Variants in CPT1A observed in about 807,000 individuals in gnomAD.
CPT1A encodes the protein carnitine O-palmitoyltransferase 1, liver isoform.
In CPT1A, 64 loss-of-function variants were observed where a neutral mutation model predicts 100.8. That is an observed-to-expected ratio of 0.63 (90% CI 0.52 to 0.78). CPT1A has a LOEUF of 0.78. Ranked by LOEUF, CPT1A falls within the 30% of genes least tolerant of loss-of-function variation. The pLI, the probability that CPT1A is intolerant of heterozygous loss-of-function variation, is 0.00. For synonymous variants in CPT1A, 363 were observed against 396.0 expected (o/e 0.92, Z 0.99); for missense variants, 802 against 1,034.1 (o/e 0.78, Z 3.08).
chr11:68,784,053 G>A (rs1004229449), intron 10 of CPT1A, among the ~76,000 whole-genome samples: 1 of 152,018 alleles, frequency 6.6e-6, no homozygotes, highest in African/African-American at 2.4e-5. Flanking sequence ...GGTAGAGATG[G>A]GGTCTCACTC....
At chr11:68,801,735 A>T (rs991424639) in intron 5 of CPT1A, among the ~76,000 whole-genome samples, 2 of 152,062 alleles carry the variant, frequency 1.3e-5, no homozygotes, top group African/African-American at 4.8e-5. Context: ...TTTGCTTATT[A>T]TTATAGTTTT....
rs369221067 is a variant in CPT1A at position 68,803,610 on chromosome 11, C to T, written c.555+390G>A. On this transcript the variant is annotated intron_variant, in intron 5 of 18. Coordinates refer to ENST00000265641, the MANE Select transcript of CPT1A (RefSeq NM_001876.4). Reference sequence around the variant, plus strand: ...CCTGTAATCCCAGCTACTCGGGAGGCTGGGGCAGGAGAATCACTTGAACCT... The same window carrying T: ...CCTGTAATCCCAGCTACTCGGGAGGTTGGGGCAGGAGAATCACTTGAACCT... Among the ~76,000 whole-genome samples the T allele has an allele frequency of 3.1e-3, 469 of 151,980 alleles. 3 individuals are homozygous for T. Among genetic ancestry groups the T allele is most frequent in the African/African-American group, 0.011 (454 of 41,454 alleles).
intron 1 of CPT1A, among the ~76,000 whole-genome samples, chr11:68,827,610 G>A (rs892240428): frequency 4.0e-4 from 59 of 146,614 alleles, no homozygotes; most frequent in African/African-American, 1.4e-3. Context: ...TTGAACTCCT[G>A]GACTCAAGCA....
intron 14 of CPT1A, among the ~76,000 whole-genome samples, chr11:68,773,032 C>G (rs1278570190): frequency 6.6e-6 from 1 of 152,186 alleles, no homozygotes; most frequent in Non-Finnish European, 1.5e-5. Context: ...CCAGACTCTC[C>G]CTCTCCCGTG....
chr11:68,773,802 T>C lies in CPT1A; in HGVS notation c.1576-373A>G, dbSNP rs375151974. ...GTCTCTCAGTAGATAGAAATGGAGCTGGTGACCAGCAGCTTCCCGATAAGA... is the reference window on the plus strand; with the variant it reads ...GTCTCTCAGTAGATAGAAATGGAGCCGGTGACCAGCAGCTTCCCGATAAGA... On this transcript the variant is annotated intron_variant, in intron 13 of 18. Transcript: ENST00000265641. The C allele has an allele frequency of 1.7e-4, 54 of 314,072 alleles. 1 individual carries two copies. Among genetic ancestry groups the C allele is most frequent in the African/African-American group, 1.1e-3 (53 of 46,416 alleles). 19.5% of individuals were successfully genotyped at this position (314,072 alleles called of 1,614,324 possible). A position where few individuals can be genotyped will look rare whatever the true frequency, so the allele number is the denominator to read the frequency against.
Position 68,796,882 on chromosome 11 carries a change from T to C in CPT1A, c.745A>G (p.Met249Val), listed in dbSNP as rs977876218. The part of the protein sequence containing the change: ...YIYLRGRGPL[M>V]VNSNYYAMDL... ...ATGGCATAATAGTTGCTGTTCACCA[T>C]GAGCGGCCCTCGTCCTCGGAGGTAG... Residue 249 changes from methionine to valine, a missense_variant, in exon 7 of 19, where the codon ATG becomes GTG. Physicochemically the swap from Met to Val is conservative, Grantham distance 21. This residue lies in a region of CPT1A where 627 missense variants were observed against 799.3 expected (regional missense o/e 0.78). Coordinates refer to ENST00000265641, the MANE Select transcript of CPT1A (RefSeq NM_001876.4). 6.2e-7 allele frequency: 1 copy of C among 1,614,134 alleles called. No homozygotes were observed. Among genetic ancestry groups the C allele is most frequent in the Non-Finnish European group, 8.5e-7 (1 of 1,180,004 alleles).
At position 68,784,906 on chromosome 11, in the gene CPT1A, C is replaced by A; in HGVS notation, c.1072G>T (p.Glu358Ter). 6.2e-7 allele frequency: 1 copy of A among 1,614,102 alleles called. No individual in the cohort carries two copies. Among genetic ancestry groups the A allele is most frequent in the Non-Finnish European group, 8.5e-7 (1 of 1,180,040 alleles). Residue 358 changes from glutamate (E) to a stop codon, truncating the protein, a stop_gained, in exon 10 of 19, where the codon GAG (glutamate) becomes TAG (stop). Transcript: ENST00000265641. LOFTEE classifies it high-confidence loss of function. ...ATCCTCTGCATCTGCTGCTCCATCT[C>A]CCGGGGCTTCAGCAGCCGCCCATCA... ...YHDGRLLKPR[E>*]MEQQMQRILD...
chr11:68,843,017 T>C (rs1383388697), upstream of CPT1A, among the ~76,000 whole-genome samples: 5 of 152,238 alleles, frequency 3.3e-5, no homozygotes, highest in African/African-American at 2.4e-5. The surrounding 1 kb of genome is among the most constrained non-coding windows in gnomAD (Gnocchi z 4.0). Context: ...CGACCACTTC[T>C]TCTAGTTATG....
intron 1 of CPT1A, among the ~76,000 whole-genome samples, chr11:68,815,756 T>C (rs1356977678): frequency 4.1e-4 from 52 of 127,258 alleles, no homozygotes; most frequent in Middle Eastern, 4.7e-3. Context: ...CCCTGGACAT[T>C]CCCTGGAACC....
intron 1 of CPT1A, among the ~76,000 whole-genome samples, chr11:68,835,079 C>A (rs1856976038): frequency 6.6e-6 from 1 of 151,910 alleles, no homozygotes; most frequent in African/African-American, 2.4e-5. Flanking sequence ...TAAATACAGA[C>A]AAATATGATC....
intron 11 of CPT1A, among the ~76,000 whole-genome samples, chr11:68,781,462 A>G (rs1855309014): frequency 6.6e-6 from 1 of 152,132 alleles, no homozygotes; most frequent in East Asian, 1.9e-4. Flanking sequence ...TCTACTAAAA[A>G]TACAAAAATT....
intron 1 of CPT1A, among the ~76,000 whole-genome samples, chr11:68,837,455 G>A (rs905623798): frequency 3.3e-5 from 5 of 152,196 alleles, no homozygotes; most frequent in Non-Finnish European, 5.9e-5. Context: ...GCTGGTGGGC[G>A]AAGCAGACAT....
chr11:68,817,087 G>C (rs1249847013), intron 1 of CPT1A, among the ~76,000 whole-genome samples: 1 of 119,414 alleles, frequency 8.4e-6, no homozygotes, highest in Non-Finnish European at 1.7e-5. Flanking sequence ...CGTGTGTGTG[G>C]TTGTGTGTGT....
At chr11:68,840,260 G>A (rs1857126441) in intron 1 of CPT1A, among the ~76,000 whole-genome samples, 1 of 152,164 alleles carries the variant, frequency 6.6e-6, no homozygotes, top group African/African-American at 2.4e-5. Flanking sequence ...ACGTTCACTC[G>A]GTCAGAGTCG....
At chr11:68,761,747 T>C in intron 15 of CPT1A, 60 bp from the exon 16 acceptor site, 1 of 1,591,578 alleles carries the variant, frequency 6.3e-7, no homozygotes, top group Non-Finnish European at 8.6e-7. Context: ...CAGTTACGGA[T>C]CTAAGTTAGC....
chr11:68,831,791 G>A (rs1045322847), intron 1 of CPT1A, among the ~76,000 whole-genome samples: 1 of 151,830 alleles, frequency 6.6e-6, no homozygotes, highest in Non-Finnish European at 1.5e-5. Context: ...GCACCACCAC[G>A]CCTGGCTAAT....
chr11:68,756,179 A>T lies in CPT1A; in HGVS notation c.*1465T>A, dbSNP rs1946690926. The T allele has an allele frequency of 1.3e-5, 2 of 151,492 alleles. No homozygotes were observed. The highest frequency in any genetic ancestry group is 4.9e-5 in the African/African-American group (2 of 41,192). The allele number at this position is 151,492 out of a possible 1,614,324, so 9.4% of individuals were successfully genotyped here. ...CACCTTCCATCGACTCCAACAGTTCAGCCATCGCTGTTGTACTATCGGGGT... is the reference window on the plus strand; with the variant it reads ...CACCTTCCATCGACTCCAACAGTTCTGCCATCGCTGTTGTACTATCGGGGT... On this transcript the variant is annotated 3_prime_UTR_variant, in exon 19 of 19. Coordinates refer to ENST00000265641, the MANE Select transcript of CPT1A (RefSeq NM_001876.4).
chr11:68,760,448 A>T (rs1946783437), intron 16 of CPT1A, 110 bp from the exon 17 acceptor site: 1 of 815,660 alleles, frequency 1.2e-6, no homozygotes, highest in African/African-American at 1.7e-5. Context: ...TGTTCCACAC[A>T]CCACAAGTCT....
rs200826577 is a variant in CPT1A, at chr11:68,773,311, C to T, written c.1694G>A (p.Ser565Asn). 6.2e-6 allele frequency: 10 copies of T among 1,614,048 alleles called. No homozygotes were observed. Among genetic ancestry groups the T allele is most frequent in the African/African-American group, 4.0e-5 (3 of 74,914 alleles). The change falls in exon 14 of 19, where the codon AGC becomes AAC. Residue 565 changes from serine to asparagine, a missense_variant. Physicochemically the swap from Ser to Asn is conservative, Grantham distance 46. This residue lies in a region of CPT1A where 627 missense variants were observed against 799.3 expected (regional missense o/e 0.78). Coordinates refer to ENST00000265641, the MANE Select transcript of CPT1A (RefSeq NM_001876.4). ...GKGIIKKCRT[S>N]PDAFVQLALQ... is the part of the protein sequence containing the mutation. ...GGCCAGCTGCACAAAGGCGTCTGGGCTCGTGCGACATTTCTTGATGATTCC... is the reference window on the plus strand; with the variant it reads ...GGCCAGCTGCACAAAGGCGTCTGGGTTCGTGCGACATTTCTTGATGATTCC...
Sources: allele counts gnomAD v4.1 joint callset (sites outside exome capture counted in the v4.1 genomes callset), GRCh38; gene constraint gnomAD v4.1.1; regional missense constraint gnomAD v4.1.1; non-coding constraint Gnocchi (gnomAD v3.1); transcripts MANE v1.5; gene names NCBI Gene and HGNC (gene_info 2026-07-23, HGNC 2026-07-21).